Variants in C16orf46 observed in about 807,000 individuals in gnomAD.
C16orf46 encodes uncharacterized protein C16orf46.
C16orf46 carries 7 observed loss-of-function variants against 5.5 expected under a neutral mutation model. The ratio of observed to expected loss-of-function variants is 1.28; its 90% CI spans 0.73 to 2.40. The LOEUF (loss-of-function observed/expected upper bound fraction) is 2.40, where lower values mean the gene tolerates loss of function less well. Ranked by LOEUF, C16orf46 falls within the 30% of genes most tolerant of loss-of-function variation. The pLI, the probability that C16orf46 is intolerant of heterozygous loss-of-function variation, is 0.00. For synonymous variants in C16orf46, 200 were observed against 184.1 expected (o/e 1.09, Z -0.70); for missense variants, 614 against 476.0 (o/e 1.29, Z -2.70).
Position 81,072,707 on chromosome 16 carries a change from T to G in C16orf46, c.-128+4429A>C, listed in dbSNP as rs185266658. Among the ~76,000 whole-genome samples, 705 of 150,554 alleles carry G rather than the reference T, an allele frequency of 4.7e-3. 2 individuals carry two copies. Among genetic ancestry groups the G allele is most frequent in the Middle Eastern group, 0.018 (5 of 278 alleles). On this transcript the variant is annotated intron_variant, in intron 1 of 3. Transcript: ENST00000299578. ...CCTAGTTTTTATTTTTTTATTTTTA[T>G]TTTTATGTTTTTGAGACAGAGTCTC...
chr16:81,066,028 G>C (rs563946646), intron 2 of C16orf46, among the ~76,000 whole-genome samples, 165 bp downstream of exon 2: 1 of 151,770 alleles, frequency 6.6e-6, no homozygotes, highest in African/African-American at 2.4e-5. Context: ...TGGGATTACG[G>C]GCGTGAGTCA....
At chr16:81,073,327 A>T (rs1202375054) in intron 1 of C16orf46, among the ~76,000 whole-genome samples, 1 of 152,204 alleles carries the variant, frequency 6.6e-6, no homozygotes, top group Admixed American at 6.5e-5. Flanking sequence ...TAATTCTAAG[A>T]TACAACTCTG....
intron 3 of C16orf46, 54 bp from the exon 4 acceptor site, chr16:81,062,192 GC>G: frequency 1.4e-6 from 2 of 1,455,472 alleles, no homozygotes; most frequent in East Asian, 4.6e-5. Context: ...AACTGTCCTT[GC>G]CCCAATTTTG....
chr16:81,057,013 A>G (rs1167612343), downstream of C16orf46, among the ~76,000 whole-genome samples: 1 of 152,034 alleles, frequency 6.6e-6, no homozygotes, highest in African/African-American at 2.4e-5. Context: ...GTCTGGATAC[A>G]TTTTTCGTTG....
chr16:81,053,537 A>G (rs959828716), exon 4 of C16orf46: 2 of 152,290 alleles, frequency 1.3e-5, no homozygotes, highest in African/African-American at 4.8e-5. Context: ...ACTAATTAAT[A>G]ACAAAATAAA....
downstream of C16orf46, among the ~76,000 whole-genome samples, chr16:81,057,669 C>T (rs1206170259): frequency 1.3e-5 from 1 of 76,210 alleles, no homozygotes; most frequent in South Asian, 5.9e-4. Context: ...AACTGAAGTT[C>T]ATTTAGGTTG....
intron 1 of C16orf46, among the ~76,000 whole-genome samples, chr16:81,075,539 G>A (rs1342083926): frequency 1.3e-5 from 2 of 152,164 alleles, no homozygotes; most frequent in Admixed American, 1.3e-4. Flanking sequence ...GCAGTAAGCC[G>A]AGATTGCACC....
At position 81,061,362 on chromosome 16, in the gene C16orf46, T is replaced by G. The variant is rs780653712; in HGVS notation, c.987A>C (p.Lys329Asn). ...TGGATTTGTAGCTTTGCACTCCCCG[T>G]TTCTGCAGAAGCTGCAAGGCAGCAA... ...RYLAALQLLQ[K>N]RGVQSYKSKF... is the part of the protein sequence containing the mutation. The change falls in exon 4 of 4, where the codon AAA becomes AAC. Residue 329 changes from lysine to asparagine, a missense_variant. Lys to Asn is a moderately conservative substitution (Grantham distance 94, BLOSUM62 0). Transcript: ENST00000299578. 1 of 1,614,116 alleles carries G rather than the reference T, an allele frequency of 6.2e-7. No individual in the cohort carries two copies. Among genetic ancestry groups the G allele is most frequent in the Admixed American group, 1.7e-5 (1 of 60,010 alleles).
chr16:81,063,654 T>C (rs772991100), intron 3 of C16orf46, 92 bp downstream of exon 3: 73 of 1,033,764 alleles, frequency 7.1e-5, no homozygotes, highest in Non-Finnish European at 1.0e-4. Flanking sequence ...CCACATTTTT[T>C]GGTAATATTA....
chr16:81,058,011 G>C (rs1308664928), downstream of C16orf46: 2 of 173,696 alleles, frequency 1.2e-5, no homozygotes, highest in Non-Finnish European at 2.4e-5. Context: ...GCTTGGACAA[G>C]AAGAGCGAAA....
chr16:81,065,963 T>C (rs866327875), intron 2 of C16orf46, among the ~76,000 whole-genome samples: 1 of 151,944 alleles, frequency 6.6e-6, no homozygotes, highest in Middle Eastern at 3.4e-3. Context: ...AGTTGGAAGT[T>C]GTACCTCCGC....
At chr16:81,062,423 G>A (rs1158671142) in intron 3 of C16orf46, among the ~76,000 whole-genome samples, 2 of 152,162 alleles carry the variant, frequency 1.3e-5, no homozygotes, top group Admixed American at 1.3e-4. Flanking sequence ...ATACTAGCAA[G>A]AGCATTTGTT....
chr16:81,073,290 A>G (rs1017464806), intron 1 of C16orf46, among the ~76,000 whole-genome samples: 8 of 152,258 alleles, frequency 5.3e-5, no homozygotes, highest in Non-Finnish European at 1.0e-4. Context: ...CACAAGCTCC[A>G]TGTCTTTGGA....
At chr16:81,054,110 T>G in intron 3 of C16orf46, 1 of 1,611,004 alleles carries the variant, frequency 6.2e-7, no homozygotes, top group Non-Finnish European at 8.5e-7. Flanking sequence ...ACGAGAAATT[T>G]AATGACTTCA....
exon 4 of C16orf46, chr16:81,053,557 CTAACTCCACG>C (rs1971208412): frequency 6.6e-6 from 1 of 152,264 alleles, no homozygotes; most frequent in East Asian, 1.9e-4. Flanking sequence ...AAACTTTGTT[CTAACTCCACG>C]CATTCCAAAA....
chr16:81,062,029 T>C lies in C16orf46; in HGVS notation c.320A>G (p.Asn107Ser). The change falls in exon 4 of 4, where the codon AAC becomes AGC. Residue 107 changes from asparagine to serine, a missense_variant. Coordinates refer to ENST00000299578, the MANE Select transcript of C16orf46 (RefSeq NM_152337.3). ...GGTCTGGAGGCTCCAGTGGGAGAGG[T>C]TAACACACACCAAGCAGTCGCTGCA... The part of the protein sequence containing the change: ...GACSDCLVCV[N>S]LSHWSLQTKP... 6.2e-7 allele frequency: 1 copy of C among 1,613,568 alleles called. No homozygotes were observed. The highest frequency in any genetic ancestry group is 8.5e-7 in the Non-Finnish European group (1 of 1,179,934).
At chr16:81,062,745 T>G (rs9935938) in intron 3 of C16orf46, among the ~76,000 whole-genome samples, 10,131 of 152,062 alleles carry the variant, frequency 0.067, 1,081 homozygotes, top group African/African-American at 0.23. Flanking sequence ...GCCACAGAGA[T>G]CACCATTAAA....
At chr16:81,067,671 G>A (rs1459295954) in intron 1 of C16orf46, among the ~76,000 whole-genome samples, 2 of 152,090 alleles carry the variant, frequency 1.3e-5, no homozygotes, top group African/African-American at 4.8e-5. Context: ...TCCTGCCTCA[G>A]CCTCCCGAGT....
chr16:81,064,182 G>C (rs1971577932), intron 2 of C16orf46, among the ~76,000 whole-genome samples, 189 bp from the exon 3 acceptor site: 1 of 152,068 alleles, frequency 6.6e-6, no homozygotes, highest in African/African-American at 2.4e-5. Flanking sequence ...TCAGGAGTTT[G>C]TGACCAGTCT....
Sources: gnomAD v4.1 joint callset for allele counts (sites outside exome capture counted in the v4.1 genomes callset) on GRCh38, gnomAD v4.1.1 for gene constraint, MANE v1.5 for transcripts, NCBI Gene and HGNC (gene_info 2026-07-23, HGNC 2026-07-21) for gene names.